The following HEMK2 variants were observed in gnomAD, a reference collection of about 807,000 sequenced individuals.
The protein encoded by HEMK2 is HemK methyltransferase 2, ETF1 glutamine and histone H4 lysine.
At chr21:28,732,217 C>A in the HEMK2 span, among the ~76,000 whole-genome samples, 49 of 152,330 alleles carry the variant, frequency 3.2e-4, no homozygotes, top group Non-Finnish European at 5.7e-4. Context: ...ATCGTCTCTT[C>A]AAGATTTCAT....
the HEMK2 span, among the ~76,000 whole-genome samples, chr21:28,812,598 T>G: frequency 6.6e-6 from 1 of 152,164 alleles, no homozygotes. Context: ...CCTGAAAATT[T>G]TGTTTTGGTT....
chr21:28,874,487 G>A, the HEMK2 span: 1 of 152,282 alleles, frequency 6.6e-6, no homozygotes, highest in African/African-American at 2.4e-5. Context: ...GGCACTCAGA[G>A]ATAGCCTTGG....
the HEMK2 span, among the ~76,000 whole-genome samples, chr21:28,585,664 G>T: frequency 6.6e-6 from 1 of 152,134 alleles, no homozygotes; most frequent in East Asian, 1.9e-4. Context: ...TGACATATCT[G>T]AAAAAGAGTG....
chr21:28,599,946 C>A, the HEMK2 span, among the ~76,000 whole-genome samples: 2 of 152,246 alleles, frequency 1.3e-5, no homozygotes, highest in Non-Finnish European at 2.9e-5. Context: ...CTAGGTCATG[C>A]TGATACAAGA....
At chr21:28,831,029 T>C in the HEMK2 span, among the ~76,000 whole-genome samples, 1 of 152,294 alleles carries the variant, frequency 6.6e-6, no homozygotes, top group African/African-American at 2.4e-5. Flanking sequence ...ACTTTGTAGA[T>C]TTATGAGCCC....
the HEMK2 span, among the ~76,000 whole-genome samples, chr21:28,598,496 T>G: frequency 6.6e-6 from 1 of 152,148 alleles, no homozygotes; most frequent in Non-Finnish European, 1.5e-5. Context: ...TTGGAAGAAT[T>G]AAGCACAACC....
the HEMK2 span, among the ~76,000 whole-genome samples, chr21:28,852,645 C>T: frequency 3.9e-5 from 6 of 152,172 alleles, no homozygotes; most frequent in Middle Eastern, 3.4e-3. Flanking sequence ...CAAAAAGACC[C>T]GACCTCTCCT....
chr21:28,732,066 G>C, the HEMK2 span, among the ~76,000 whole-genome samples: 1,116 of 152,328 alleles, frequency 7.3e-3, 19 homozygotes, highest in African/African-American at 0.025. Flanking sequence ...CAGCCACCCA[G>C]CCTCTCCTGC....
the HEMK2 span, among the ~76,000 whole-genome samples, chr21:28,765,636 C>T: frequency 5.9e-5 from 9 of 152,030 alleles, no homozygotes; most frequent in South Asian, 2.1e-4. Flanking sequence ...AAGTTTCCAC[C>T]GACACACAAT....
the HEMK2 span, among the ~76,000 whole-genome samples, chr21:28,627,126 A>G: frequency 6.6e-6 from 1 of 152,232 alleles, no homozygotes; most frequent in Non-Finnish European, 1.5e-5. Flanking sequence ...GAACAAAAGA[A>G]GCCAACCACA....
chr21:28,803,084 A>C, the HEMK2 span, among the ~76,000 whole-genome samples: 2 of 152,216 alleles, frequency 1.3e-5, no homozygotes, highest in African/African-American at 2.4e-5. Flanking sequence ...CCCTGGTTGC[A>C]CACAACTGTA....
At chr21:28,590,410 T>C in the HEMK2 span, among the ~76,000 whole-genome samples, 1 of 151,498 alleles carries the variant, frequency 6.6e-6, no homozygotes, top group Admixed American at 6.6e-5. Flanking sequence ...CACAAATTAA[T>C]GAAAAATAAA....
the HEMK2 span, among the ~76,000 whole-genome samples, chr21:28,735,827 A>G: frequency 1.8e-4 from 28 of 152,340 alleles, no homozygotes; most frequent in African/African-American, 6.3e-4. Flanking sequence ...CTTTTGCTAT[A>G]TAACATAACA....
the HEMK2 span, among the ~76,000 whole-genome samples, chr21:28,757,984 A>G: frequency 1.3e-5 from 2 of 152,228 alleles, no homozygotes; most frequent in African/African-American, 4.8e-5. Context: ...TTTATTATAA[A>G]TGAAAATTTG....
the HEMK2 span, among the ~76,000 whole-genome samples, chr21:28,682,585 A>G: frequency 6.6e-6 from 1 of 152,184 alleles, no homozygotes; most frequent in Non-Finnish European, 1.5e-5. Context: ...TCATGCTGCT[A>G]TAAAGACACA....
chr21:28,746,652 C>A, the HEMK2 span, among the ~76,000 whole-genome samples: 82,971 of 147,916 alleles, frequency 0.56, 25,943 homozygotes, highest in African/African-American at 0.85. Flanking sequence ...AGAAGAGTTG[C>A]TATTAAAGTA....
At chr21:28,866,879 T>C in the HEMK2 span, among the ~76,000 whole-genome samples, 1 of 152,142 alleles carries the variant, frequency 6.6e-6, no homozygotes, top group Non-Finnish European at 1.5e-5. Flanking sequence ...TACAAAATGC[T>C]TAAATGACAA....
At chr21:28,831,539 G>GA in the HEMK2 span, among the ~76,000 whole-genome samples, 1 of 76,666 alleles carries the variant, frequency 1.3e-5, no homozygotes, top group East Asian at 4.6e-4. Context: ...AAGAAGGAAA[G>GA]AAGGAAAGAA....
the HEMK2 span, among the ~76,000 whole-genome samples, chr21:28,746,211 T>C: frequency 6.6e-6 from 1 of 152,198 alleles, no homozygotes; most frequent in African/African-American, 2.4e-5. Flanking sequence ...CAACAGCTGA[T>C]ATTTATTTGG....
Sources: allele counts gnomAD v4.1 joint callset (sites outside exome capture counted in the v4.1 genomes callset), GRCh38; gene constraint gnomAD v4.1.1; transcripts MANE v1.5; gene names NCBI Gene and HGNC (gene_info 2026-07-23, HGNC 2026-07-21).